Variants in SEMA3A observed in about 807,000 individuals in gnomAD.
SEMA3A encodes semaphorin-3A.
In SEMA3A, 29 loss-of-function variants were observed where a neutral mutation model predicts 97.9. The ratio of observed to expected loss-of-function variants is 0.30; its 90% CI spans 0.22 to 0.40. The LOEUF is 0.40. SEMA3A is among the 10% of genes least tolerant of loss of function. SEMA3A has a pLI of 1.00. For synonymous variants in SEMA3A, 321 were observed against 323.7 expected (o/e 0.99, Z 0.09); for missense variants, 763 against 951.3 (o/e 0.80, Z 2.60).
intron 5 of SEMA3A, among the ~76,000 whole-genome samples, chr7:84,047,608 C>T (rs1792405071): frequency 1.3e-5 from 2 of 151,954 alleles, no homozygotes; most frequent in African/African-American, 2.4e-5. Context: ...CATGTAATTG[C>T]CTTTCTACAT....
intron 12 of SEMA3A, among the ~76,000 whole-genome samples, chr7:83,993,230 G>T (rs1741551171): frequency 1.2e-5 from 1 of 81,510 alleles, no homozygotes; most frequent in Non-Finnish European, 2.5e-5. Flanking sequence ...TGAGATGGGT[G>T]TCCTGAATAC....
At chr7:84,462,943 A>G (rs1243021426) in intron 1 of SEMA3A, among the ~76,000 whole-genome samples, 6 of 152,030 alleles carry the variant, frequency 3.9e-5, no homozygotes, top group Non-Finnish European at 8.8e-5. Context: ...CAAGGCCTTG[A>G]TTACTTATAT....
At chr7:84,022,615 A>C (rs1158825055) in intron 6 of SEMA3A, among the ~76,000 whole-genome samples, 1 of 152,230 alleles carries the variant, frequency 6.6e-6, no homozygotes, top group African/African-American at 2.4e-5. Context: ...TGAAATTTGA[A>C]AAGATTTCTT....
At chr7:84,105,445 T>C (rs1795079908) in intron 4 of SEMA3A, among the ~76,000 whole-genome samples, 1 of 152,126 alleles carries the variant, frequency 6.6e-6, no homozygotes, top group South Asian at 2.1e-4. Context: ...TATAGATATA[T>C]TGGTTGTCAT....
chr7:84,273,771 C>T (rs977303065), intron 3 of SEMA3A, among the ~76,000 whole-genome samples: 1 of 152,016 alleles, frequency 6.6e-6, no homozygotes, highest in African/African-American at 2.4e-5. Context: ...TTTGTAGGCT[C>T]TTTGTCCTGC....
intron 1 of SEMA3A, among the ~76,000 whole-genome samples, chr7:84,474,504 C>T (rs113641539): frequency 5.4e-4 from 82 of 152,232 alleles, no homozygotes; most frequent in African/African-American, 1.9e-3. Context: ...ATGACTACTC[C>T]TCTTTGTAGC....
At chr7:84,001,070 T>G (rs1174066085) in intron 12 of SEMA3A, among the ~76,000 whole-genome samples, 2 of 16,894 alleles carry the variant, frequency 1.2e-4, no homozygotes, top group Admixed American at 4.5e-4. Flanking sequence ...CTAATACGTG[T>G]TTTTTTTTTT....
chr7:84,415,800 G>A (rs1439152975), intron 1 of SEMA3A, among the ~76,000 whole-genome samples: 1 of 151,776 alleles, frequency 6.6e-6, no homozygotes, highest in Non-Finnish European at 1.5e-5. Context: ...AAAAACCATA[G>A]CCCTTAGGAC....
At chr7:84,136,217 A>G (rs1412330505) in intron 1 of SEMA3A, among the ~76,000 whole-genome samples, 1 of 152,144 alleles carries the variant, frequency 6.6e-6, no homozygotes, top group Non-Finnish European at 1.5e-5. Context: ...TGCCTTCCGA[A>G]GAGAGAAAGC....
chr7:84,472,368 T>C (rs990763898), intron 1 of SEMA3A, among the ~76,000 whole-genome samples: 3 of 152,188 alleles, frequency 2.0e-5, no homozygotes, highest in South Asian at 2.1e-4. Context: ...GAGGTAAAGA[T>C]GTAGATCTTA....
chr7:84,418,442 A>G (rs1804491904), intron 1 of SEMA3A, among the ~76,000 whole-genome samples: 1 of 152,084 alleles, frequency 6.6e-6, no homozygotes, highest in Non-Finnish European at 1.5e-5. Context: ...GGTCCCACCC[A>G]CAACATGTGG....
Position 84,001,068 on chromosome 7 carries a change from TG to T in SEMA3A, c.1452+886del, listed in dbSNP as rs1481431630. 8.4e-3 allele frequency among the ~76,000 whole-genome samples: 691 copies of T among 81,904 alleles called. 2 individuals carry two copies. Among genetic ancestry groups the T allele is most frequent in the Non-Finnish European group, 0.014 (511 of 36,802 alleles). The allele number at this position is 81,904 out of a possible 152,430, so 53.7% of individuals were successfully genotyped here. A position where few individuals can be genotyped will look rare whatever the true frequency, so the allele number is the denominator to read the frequency against. On this transcript the variant is annotated intron_variant, in intron 12 of 16. Transcript: ENST00000265362. ...CTGTCTACCAACTTCTTCTAATACG[TG>T]TTTTTTTTTTTTGCAGTTATAAATA...
At chr7:84,323,940 T>C (rs1018951529) in intron 2 of SEMA3A, among the ~76,000 whole-genome samples, 3 of 152,222 alleles carry the variant, frequency 2.0e-5, no homozygotes, top group Non-Finnish European at 4.4e-5. Flanking sequence ...TAAATCTGTT[T>C]ATTCTCTTCT....
chr7:84,063,749 C>T (rs972774558), intron 4 of SEMA3A, among the ~76,000 whole-genome samples: 1 of 149,568 alleles, frequency 6.7e-6, no homozygotes, highest in Non-Finnish European at 1.5e-5. Flanking sequence ...AGCAAAGCCT[C>T]CAAGAAATAT....
intron 12 of SEMA3A, among the ~76,000 whole-genome samples, chr7:83,989,449 C>A (rs180743122): frequency 1.7e-5 from 2 of 115,058 alleles, no homozygotes; most frequent in Non-Finnish European, 4.0e-5. Context: ...GTATATCTCC[C>A]AATGCTATCC....
chr7:84,479,675 T>C (rs1036646569), intron 1 of SEMA3A, among the ~76,000 whole-genome samples: 2 of 152,158 alleles, frequency 1.3e-5, no homozygotes, highest in Non-Finnish European at 2.9e-5. Flanking sequence ...TTAAAATTAA[T>C]GTTTGTCAAA....
chr7:84,160,561 T>G (rs976229243), intron 1 of SEMA3A, among the ~76,000 whole-genome samples: 4 of 143,136 alleles, frequency 2.8e-5, no homozygotes, highest in Admixed American at 7.1e-5. Flanking sequence ...GATAAAGAAA[T>G]AAATAAAAAC....
intron 3 of SEMA3A, among the ~76,000 whole-genome samples, chr7:84,245,523 A>G (rs1255460957): frequency 6.6e-6 from 1 of 151,594 alleles, no homozygotes; most frequent in East Asian, 2.0e-4. Context: ...GCTTCCTTGC[A>G]TTGGGTTAGA....
chr7:84,298,768 T>G (rs1264773807), intron 3 of SEMA3A, among the ~76,000 whole-genome samples: 1 of 152,190 alleles, frequency 6.6e-6, no homozygotes, highest in Non-Finnish European at 1.5e-5. Flanking sequence ...GTATTGTTCC[T>G]GGGTGTTTCT....
Sources: allele counts gnomAD v4.1 joint callset (sites outside exome capture counted in the v4.1 genomes callset), GRCh38; gene constraint gnomAD v4.1.1; transcripts MANE v1.5; gene names NCBI Gene and HGNC (gene_info 2026-07-23, HGNC 2026-07-21).